The following FSTL4 variants were observed in gnomAD, a reference collection of about 807,000 sequenced individuals.
FSTL4 encodes the protein follistatin like 4.
Under a neutral mutation model 78.2 loss-of-function variants are expected in FSTL4, and 28 were observed. The ratio of observed to expected loss-of-function variants is 0.36; its 90% CI spans 0.27 to 0.49. FSTL4 has a LOEUF of 0.49. FSTL4 is among the 20% of genes least tolerant of loss of function. The probability of loss-of-function intolerance (pLI) is 0.98; values close to 1 mark genes in which losing one functional copy is unlikely to be tolerated. For missense variants in FSTL4, 922 were observed against 1,084.9 expected (o/e 0.85, Z 2.11); for synonymous variants, 422 against 440.5 (o/e 0.96, Z 0.53).
At chr5:133,495,219 A>C (rs1198913060) in intron 3 of FSTL4, among the ~76,000 whole-genome samples, 1 of 152,200 alleles carries the variant, frequency 6.6e-6, no homozygotes, top group Non-Finnish European at 1.5e-5. Flanking sequence ...GAGCAAGGCC[A>C]AAACTCGACC....
intron 3 of FSTL4, among the ~76,000 whole-genome samples, chr5:133,524,078 C>T (rs759604906): frequency 2.0e-5 from 3 of 152,120 alleles, no homozygotes; most frequent in East Asian, 1.9e-4. Flanking sequence ...CGAGGGGAGC[C>T]GCTCAGGGAG....
chr5:133,427,641 C>T lies in FSTL4; in HGVS notation c.161-26655G>A, dbSNP rs369005139. 8 of 530,500 alleles carry T rather than the reference C, an allele frequency of 1.5e-5. No homozygotes were observed. In the African/African-American group the frequency reaches 1.5e-4, roughly 10 times the overall value. 32.9% of individuals were successfully genotyped at this position (530,500 alleles called of 1,614,324 possible). On this transcript the variant is annotated intron_variant, in intron 3 of 15. Transcript: ENST00000265342. The stretch of plus-strand genomic sequence containing the variant: ...AAATGCAGATTCCTGGACTCCACAC[C>T]CAGTGACTCTGTTCAGTAGTTCTGA...
At chr5:133,635,072 CT>C in the FSTL4 span, among the ~76,000 whole-genome samples, 2 of 134,294 alleles carry the variant, frequency 1.5e-5, no homozygotes, top group Non-Finnish European at 3.3e-5. Context: ...CTATTTTATT[CT>C]TTAAAAAAAA....
At position 133,228,020 on chromosome 5, in the gene FSTL4, T is replaced by A. The variant is rs370982987; in HGVS notation, c.1016-2201A>T. Reference sequence around the variant, plus strand: ...GGTGGGCAGATCCCTTGAGCCCACATGTTCGAGACTAGCCTGGGCAACATG... The same window carrying A: ...GGTGGGCAGATCCCTTGAGCCCACAAGTTCGAGACTAGCCTGGGCAACATG... On this transcript the variant is annotated intron_variant, in intron 8 of 15. Coordinates refer to ENST00000265342, the MANE Select transcript of FSTL4 (RefSeq NM_015082.2). 5.9e-5 allele frequency among the ~76,000 whole-genome samples: 9 copies of A among 152,198 alleles called. No individual in the cohort carries two copies. The South Asian group carries it at 1.9e-3, about 32-fold the overall frequency.
chr5:133,761,454 T>C, the FSTL4 span, among the ~76,000 whole-genome samples: 7 of 152,236 alleles, frequency 4.6e-5, no homozygotes, highest in South Asian at 2.1e-4. Flanking sequence ...CAATAATACA[T>C]AATTCCAGTC....
intron 3 of FSTL4, among the ~76,000 whole-genome samples, chr5:133,454,196 A>G (rs1757438110): frequency 6.6e-6 from 1 of 152,240 alleles, no homozygotes; most frequent in Non-Finnish European, 1.5e-5. Flanking sequence ...AACAACTAGG[A>G]CATAAAAATT....
intron 13 of FSTL4, 89 bp from the exon 14 acceptor site, chr5:133,210,387 G>T: frequency 1.4e-6 from 1 of 720,432 alleles, no homozygotes; most frequent in South Asian, 1.8e-5. Context: ...TGGGCGAGGG[G>T]AAAGCCAGTC....
At position 133,232,111 on chromosome 5, in the gene FSTL4, C is replaced by T. The variant is rs573297353; in HGVS notation, c.1015+1306G>A. On this transcript the variant is annotated intron_variant, in intron 8 of 15. Transcript: ENST00000265342. The stretch of plus-strand genomic sequence containing the variant: ...TGGATTAATCATTTATGTCTGATTT[C>T]TTTTTCCTTCCTATGAAAGCAATGC... 6.6e-5 allele frequency among the ~76,000 whole-genome samples: 10 copies of T among 152,290 alleles called. No individual in the cohort carries two copies. The South Asian group carries it at 2.1e-3, about 32-fold the overall frequency.
At chr5:133,454,965 G>T (rs1757456636) in intron 3 of FSTL4, among the ~76,000 whole-genome samples, 1 of 152,208 alleles carries the variant, frequency 6.6e-6, no homozygotes, top group Non-Finnish European at 1.5e-5. Flanking sequence ...TCGCCTTGAG[G>T]GCAGGGCCTT....
At chr5:133,479,509 A>G (rs1580735331) in intron 3 of FSTL4, among the ~76,000 whole-genome samples, 1 of 152,370 alleles carries the variant, frequency 6.6e-6, no homozygotes, top group Non-Finnish European at 1.5e-5. Context: ...GTGATGGAAT[A>G]TGATTCAGCA....
At chr5:133,333,814 G>A (rs1217636117) in intron 4 of FSTL4, among the ~76,000 whole-genome samples, 1 of 152,232 alleles carries the variant, frequency 6.6e-6, no homozygotes, top group African/African-American at 2.4e-5. Flanking sequence ...TGAGACTGAA[G>A]GGAAAGGAAA....
In FSTL4 at chr5:133,312,723, C is replaced by T. The variant is rs199581768; in HGVS notation, c.658G>A (p.Asp220Asn). 24 of 1,613,426 alleles carry T rather than the reference C, an allele frequency of 1.5e-5. No individual in the cohort carries two copies. The highest frequency in any genetic ancestry group is 2.0e-5 in the Non-Finnish European group (24 of 1,179,316). ...TTGTAATCGTCAAATCGGAGGAGGT[C>T]ACCTGGTGAGCAACCAAGTAAGTCT... ...DEDLLGCSPG[D>N]LLRFDDYNSD... The change falls in exon 6 of 16, where the codon GAC becomes AAC. Residue 220 changes from aspartate (D) to asparagine (N), a missense_variant. Physicochemically the swap from Asp to Asn is conservative, Grantham distance 23 (BLOSUM62 1). Coordinates refer to ENST00000265342, the MANE Select transcript of FSTL4 (RefSeq NM_015082.2).
chr5:133,325,799 C>A (rs919463846), intron 4 of FSTL4, among the ~76,000 whole-genome samples: 4 of 149,524 alleles, frequency 2.7e-5, no homozygotes, highest in East Asian at 1.9e-4. Context: ...AGAACCCCCC[C>A]AGAGAGGCCC....
rs189784710 is a variant in FSTL4 at position 133,565,553 on chromosome 5, C to A, written c.160+1633G>T. ...TAGAACAAATTTGCTAGTACAAACC[C>A]ACAGTGTATGTTCCTAAGTCAACCA... is the stretch of plus-strand genomic sequence containing the variant. On this transcript the variant is annotated intron_variant, in intron 3 of 15. Transcript: ENST00000265342. 2.1e-3 allele frequency among the ~76,000 whole-genome samples: 324 copies of A among 152,310 alleles called. 2 individuals are homozygous for A. The highest frequency in any genetic ancestry group is 7.5e-3 in the African/African-American group (313 of 41,552).
chr5:133,512,674 C>T (rs1027831634), intron 3 of FSTL4, among the ~76,000 whole-genome samples: 8 of 152,230 alleles, frequency 5.3e-5, no homozygotes, highest in African/African-American at 1.9e-4. Flanking sequence ...TAAATGTGTA[C>T]CTTCACACAT....
At chr5:133,297,794 A>G (rs1314005479) in intron 6 of FSTL4, among the ~76,000 whole-genome samples, 3 of 152,022 alleles carry the variant, frequency 2.0e-5, no homozygotes, top group African/African-American at 7.2e-5. Context: ...TCCCTCCTGG[A>G]CTCTGCTGGG....
intron 6 of FSTL4, among the ~76,000 whole-genome samples, chr5:133,250,692 T>C (rs1752201435): frequency 6.6e-6 from 1 of 152,196 alleles, no homozygotes; most frequent in Admixed American, 6.5e-5. Context: ...CTTGCCCGTG[T>C]GTGTGGGAGA....
the FSTL4 span, among the ~76,000 whole-genome samples, chr5:133,762,781 C>T: frequency 6.6e-6 from 1 of 152,156 alleles, no homozygotes; most frequent in Non-Finnish European, 1.5e-5. Flanking sequence ...GAACTAAAGC[C>T]CTAGACTTTG....
intron 8 of FSTL4, among the ~76,000 whole-genome samples, chr5:133,231,189 A>C (rs1751486041): frequency 2.0e-5 from 3 of 152,054 alleles, no homozygotes; most frequent in Admixed American, 1.3e-4. Flanking sequence ...GGAAAAAAAA[A>C]AAAACCCTTC....
Sources: gnomAD v4.1 joint callset for allele counts (sites outside exome capture counted in the v4.1 genomes callset) on GRCh38, gnomAD v4.1.1 for gene constraint, MANE v1.5 for transcripts, NCBI Gene and HGNC (gene_info 2026-07-23, HGNC 2026-07-21) for gene names.